The following TPST1 variants were observed in gnomAD, a reference collection of about 807,000 sequenced individuals.
TPST1 encodes the protein tyrosylprotein sulfotransferase 1, also known as protein-tyrosine sulfotransferase 1.
Under a neutral mutation model 34.8 loss-of-function variants are expected in TPST1, and 20 were observed. That is an observed-to-expected ratio of 0.57 (90% CI 0.40 to 0.84). The LOEUF (loss-of-function observed/expected upper bound fraction) is 0.84, where lower values mean the gene tolerates loss of function less well. TPST1 is among the 40% of genes least tolerant of loss of function. The pLI is 0.00. For synonymous variants in TPST1, 152 were observed against 159.4 expected (o/e 0.95, Z 0.35); for missense variants, 353 against 455.5 (o/e 0.78, Z 2.05).
At chr7:66,213,483 C>T (rs991126209) in intron 1 of TPST1, among the ~76,000 whole-genome samples, 3 of 152,120 alleles carry the variant, frequency 2.0e-5, no homozygotes, top group South Asian at 2.1e-4. Context: ...AGGCTGGGCG[C>T]GGTGGCTCAC....
At chr7:66,285,805 G>A (rs1314577486) in intron 2 of TPST1, among the ~76,000 whole-genome samples, 1 of 152,102 alleles carries the variant, frequency 6.6e-6, no homozygotes, top group Non-Finnish European at 1.5e-5. Flanking sequence ...AATCACTACA[G>A]GCTTAGAGTA....
At chr7:66,312,061 A>T (rs1434924667) in intron 3 of TPST1, among the ~76,000 whole-genome samples, 3 of 152,242 alleles carry the variant, frequency 2.0e-5, no homozygotes, top group Non-Finnish European at 2.9e-5. Context: ...ATGTCAAAGG[A>T]TCCAGCTCTT....
Position 66,280,344 on chromosome 7 carries a change from G to A in TPST1, c.846-6167G>A, listed in dbSNP as rs557277371. Among the ~76,000 whole-genome samples the A allele has an allele frequency of 2.0e-5, 3 of 152,302 alleles. No individual in the cohort carries two copies. The South Asian group carries it at 6.2e-4, about 32-fold the overall frequency. On this transcript the variant is annotated intron_variant, in intron 2 of 5. Coordinates refer to ENST00000304842, the MANE Select transcript of TPST1 (RefSeq NM_003596.4). ...CCAGATCTTGGGCCATCTTCTTGTA[G>A]GTCATGGGTCTGACACACATGGTTC...
At chr7:66,279,324 T>C (rs988309569) in intron 2 of TPST1, among the ~76,000 whole-genome samples, 2 of 152,210 alleles carry the variant, frequency 1.3e-5, no homozygotes, top group East Asian at 3.8e-4. Context: ...CATCATCCAG[T>C]CCACTGTTGT....
chr7:66,199,156 G>A, the TPST1 span, among the ~76,000 whole-genome samples: 1 of 152,102 alleles, frequency 6.6e-6, no homozygotes, highest in African/African-American at 2.4e-5. Context: ...CCTGGCTCCC[G>A]TGCCCTGCTG....
In TPST1 at chr7:66,268,239, C is replaced by T. The variant is rs1199516800; in HGVS notation, c.846-18272C>T. ...AAGTGCTGGGATTACAGGTGTGAGC[C>T]ACTGCACCCGGCCAAGGTGGCTACT... On this transcript the variant is annotated intron_variant, in intron 2 of 5. Coordinates refer to ENST00000304842, the MANE Select transcript of TPST1 (RefSeq NM_003596.4). Among the ~76,000 whole-genome samples the T allele has an allele frequency of 3.3e-5, 5 of 152,290 alleles. No individual in the cohort carries two copies. The East Asian group carries it at 9.6e-4, about 29-fold the overall frequency.
At chr7:66,345,489 C>CAAAAAAAAAAAAAAAAAAAAAAAAAAAAA (rs58837242) in intron 3 of TPST1, among the ~76,000 whole-genome samples, 1 of 64,862 alleles carries the variant, frequency 1.5e-5, no homozygotes, top group Non-Finnish European at 2.7e-5. Flanking sequence ...ACTCCATCTC[C>CAAAAAAAAAAAAAAAAAAAAAAAAAAAAA]AAAAAAAAAA....
At chr7:66,296,105 G>C (rs1223219459) in intron 3 of TPST1, among the ~76,000 whole-genome samples, 1 of 152,162 alleles carries the variant, frequency 6.6e-6, no homozygotes, top group African/African-American at 2.4e-5. Flanking sequence ...GGCTTGGCTA[G>C]ATTATCCTTT....
At chr7:66,238,542 G>A (rs557298891) in intron 1 of TPST1, among the ~76,000 whole-genome samples, 4 of 152,062 alleles carry the variant, frequency 2.6e-5, no homozygotes, top group Non-Finnish European at 5.9e-5. Flanking sequence ...TCGGTAGCAG[G>A]CTGGACACAC....
At chr7:66,295,630 C>T (rs1488965253) in intron 3 of TPST1, among the ~76,000 whole-genome samples, 5 of 152,084 alleles carry the variant, frequency 3.3e-5, no homozygotes, top group Admixed American at 3.3e-4. Context: ...CAGTTATTAG[C>T]TATATGTATA....
chr7:66,350,921 CTT>C (rs1177516341), intron 3 of TPST1, among the ~76,000 whole-genome samples: 2 of 152,132 alleles, frequency 1.3e-5, no homozygotes, highest in Admixed American at 6.5e-5. Context: ...AAACCACTGA[CTT>C]AATTCATTTA....
At chr7:66,222,439 T>C (rs1789563432) in intron 1 of TPST1, among the ~76,000 whole-genome samples, 1 of 152,136 alleles carries the variant, frequency 6.6e-6, no homozygotes, top group Non-Finnish European at 1.5e-5. Flanking sequence ...TTCATGTATC[T>C]GCTGCATATT....
At chr7:66,213,494 G>T (rs1023820764) in intron 1 of TPST1, among the ~76,000 whole-genome samples, 3 of 152,094 alleles carry the variant, frequency 2.0e-5, no homozygotes, top group Admixed American at 1.3e-4. Context: ...GGTGGCTCAC[G>T]CCTGTAATCC....
Position 66,241,332 on chromosome 7 carries a change from T to C in TPST1, c.845+62T>C, listed in dbSNP as rs1790031942. ...TTTAGCTAATAATGATCTATACATATGTATGTATGTGTTTTATGTATATAT... is the reference window on the plus strand; with the variant it reads ...TTTAGCTAATAATGATCTATACATACGTATGTATGTGTTTTATGTATATAT... On this transcript the variant is annotated intron_variant, in intron 2 of 5. Transcript: ENST00000304842. 40 of 1,512,654 alleles carry C rather than the reference T, an allele frequency of 2.6e-5. No homozygotes were observed. The South Asian group carries it at 4.9e-4, about 19-fold the overall frequency. The allele number at this position is 1,512,654 out of a possible 1,614,324, so 93.7% of individuals were successfully genotyped here. A position where few individuals can be genotyped will look rare whatever the true frequency, so the allele number is the denominator to read the frequency against.
chr7:66,204,106 G>A (rs1446576866), upstream of TPST1, among the ~76,000 whole-genome samples: 1 of 151,986 alleles, frequency 6.6e-6, no homozygotes, highest in African/African-American at 2.4e-5. Flanking sequence ...GAGCCCAGGA[G>A]GTGGAGGTTG....
At chr7:66,347,682 AC>A (rs1159142187) in intron 3 of TPST1, among the ~76,000 whole-genome samples, 16 of 152,182 alleles carry the variant, frequency 1.1e-4, no homozygotes, top group African/African-American at 3.4e-4. Flanking sequence ...TTCCAGGTAA[AC>A]TTTAGAATTG....
chr7:66,253,016 C>G (rs1790300158), intron 2 of TPST1, among the ~76,000 whole-genome samples: 1 of 152,160 alleles, frequency 6.6e-6, no homozygotes, highest in Non-Finnish European at 1.5e-5. Flanking sequence ...ATAGATTCAA[C>G]TAACCTCAGG....
At chr7:66,274,837 G>A (rs954152228) in intron 2 of TPST1, among the ~76,000 whole-genome samples, 8 of 152,074 alleles carry the variant, frequency 5.3e-5, no homozygotes, top group African/African-American at 1.7e-4. Context: ...GCTTAGCATC[G>A]CTAATCATCA....
intron 1 of TPST1, among the ~76,000 whole-genome samples, chr7:66,221,026 G>C (rs560987028): frequency 7.9e-5 from 12 of 152,054 alleles, no homozygotes; most frequent in Non-Finnish European, 1.3e-4. Flanking sequence ...CCAGCTACTC[G>C]GGAGGCTGAG....
Sources: allele counts gnomAD v4.1 joint callset (sites outside exome capture counted in the v4.1 genomes callset), GRCh38; gene constraint gnomAD v4.1.1; transcripts MANE v1.5; gene names NCBI Gene and HGNC (gene_info 2026-07-23, HGNC 2026-07-21).